TANC1: variants seen among roughly 807,000 people sequenced by gnomAD.
TANC1 encodes protein TANC1.
A neutral mutation model predicts 149.7 loss-of-function variants in TANC1; 77 were observed. That is an observed-to-expected ratio of 0.51 (90% confidence interval 0.43 to 0.62). The LOEUF (loss-of-function observed/expected upper bound fraction) is 0.62, where lower values mean the gene tolerates loss of function less well. Among genes scored for constraint, TANC1 ranks in the 20% least tolerant of loss-of-function variants. TANC1 has a pLI of 0.00. For missense variants in TANC1, 1,985 were observed against 2,321.8 expected, an observed-to-expected ratio of 0.85 and a Z score of 2.98; for synonymous variants, 854 against 925.0, an observed-to-expected ratio of 0.92 and a Z score of 1.39.
rs1444255291 is a variant in TANC1, at chr2:159,187,569, T to TAAA, written c.2742+545_2742+546insAAA. On this transcript the variant is annotated intron_variant, in intron 16 of 26. Transcript: ENST00000263635. ...CATGTCATGATGTTCCACTCAGCTT[T>TAAA]TTAAGGTAGATTTTTCTTCCTGATT... Among the ~76,000 whole-genome samples, 916 of 152,294 alleles carry TAAA rather than the reference T, an allele frequency of 6.0e-3. 11 individuals are homozygous for TAAA. Among genetic ancestry groups the TAAA allele is most frequent in the African/African-American group, 0.021 (859 of 41,558 alleles).
At chr2:159,156,945 G>A (rs1371811571) in intron 7 of TANC1, among the ~76,000 whole-genome samples, 2 of 152,238 alleles carry the variant, frequency 1.3e-5, no homozygotes, top group Admixed American at 1.3e-4. Flanking sequence ...AATGTGGCTG[G>A]GAATGTGCGG....
At chr2:159,150,783 A>G in intron 7 of TANC1, 1 of 492,590 alleles carries the variant, frequency 2.0e-6, no homozygotes, top group Non-Finnish European at 3.6e-6. Context: ...TTGTTAAAAA[A>G]AAAAAAAAAA....
chr2:159,149,619 C>T (rs1024784475), intron 6 of TANC1: 18 of 254,794 alleles, frequency 7.1e-5, no homozygotes, highest in South Asian at 2.1e-4. Context: ...CTTTGGTATA[C>T]GCTTTCCTGT....
At chr2:159,077,152 G>A (rs2043780118) in intron 3 of TANC1, among the ~76,000 whole-genome samples, 1 of 152,018 alleles carries the variant, frequency 6.6e-6, no homozygotes, top group African/African-American at 2.4e-5. Flanking sequence ...TCTAACTTCT[G>A]GATTACGCAG....
intron 1 of TANC1, among the ~76,000 whole-genome samples, chr2:158,990,758 C>CTT (rs1303042110): frequency 2.0e-5 from 3 of 151,952 alleles, no homozygotes; most frequent in Admixed American, 2.0e-4. Flanking sequence ...GCTGGTGGGC[C>CTT]TTGTGTACCT....
intron 8 of TANC1, among the ~76,000 whole-genome samples, chr2:159,167,158 A>G (rs953541371): frequency 6.6e-6 from 1 of 152,232 alleles, no homozygotes; most frequent in Admixed American, 6.5e-5. Flanking sequence ...GAGGCTCTAA[A>G]GCATCTTTTT....
At chr2:158,976,866 A>G (rs569559038) in intron 1 of TANC1, among the ~76,000 whole-genome samples, 14 of 152,232 alleles carry the variant, frequency 9.2e-5, no homozygotes, top group African/African-American at 3.4e-4. Context: ...CGGCGGCAGA[A>G]TGAGACTCCG....
At chr2:159,047,081 C>A (rs1009293923) in intron 2 of TANC1, among the ~76,000 whole-genome samples, 2 of 151,946 alleles carry the variant, frequency 1.3e-5, no homozygotes, top group African/African-American at 4.8e-5. Context: ...CTTCATGGAC[C>A]CCCCAGGTCT....
chr2:159,203,078 AGCACTT>A (rs2058352116), intron 19 of TANC1, among the ~76,000 whole-genome samples: 1 of 152,232 alleles, frequency 6.6e-6, no homozygotes, highest in East Asian at 1.9e-4. Context: ...CTTCTGCTCC[AGCACTT>A]GCCATTCAGG....
chr2:159,038,757 A>G (rs2040397808), intron 2 of TANC1, among the ~76,000 whole-genome samples: 1 of 152,000 alleles, frequency 6.6e-6, no homozygotes, highest in Non-Finnish European at 1.5e-5. Flanking sequence ...GTTTGCCAGT[A>G]TTTCATTGAG....
intron 2 of TANC1, among the ~76,000 whole-genome samples, chr2:159,044,870 A>G (rs567326210): frequency 1.3e-5 from 2 of 152,322 alleles, no homozygotes; most frequent in South Asian, 4.1e-4. Flanking sequence ...GTGACTTGCC[A>G]GCAGGATTTC....
chr2:159,050,424 C>T (rs2041385683), intron 2 of TANC1, among the ~76,000 whole-genome samples: 1 of 152,200 alleles, frequency 6.6e-6, no homozygotes, highest in South Asian at 2.1e-4. Context: ...ATCAGAACAG[C>T]GTTGCAGTTT....
intron 4 of TANC1, among the ~76,000 whole-genome samples, chr2:159,110,206 A>G (rs1242572528): frequency 1.3e-5 from 2 of 152,216 alleles, no homozygotes; most frequent in Non-Finnish European, 2.9e-5. Flanking sequence ...TCTGCAAGAG[A>G]GGTCCCCTGA....
At chr2:159,195,684 T>TA (rs147291586) in intron 17 of TANC1, among the ~76,000 whole-genome samples, 5,137 of 152,330 alleles carry the variant, frequency 0.034, 118 homozygotes, top group African/African-American at 0.065. Flanking sequence ...AATGTGTGGC[T>TA]AAGCCTTTGG....
intron 4 of TANC1, among the ~76,000 whole-genome samples, chr2:159,113,271 A>G (rs1455662207): frequency 6.6e-6 from 1 of 152,154 alleles, no homozygotes; most frequent in African/African-American, 2.4e-5. Flanking sequence ...GCTGCATTAG[A>G]TGATTTTAGT....
intron 3 of TANC1, among the ~76,000 whole-genome samples, chr2:159,096,956 C>T (rs777089470): frequency 9.2e-5 from 14 of 152,120 alleles, no homozygotes; most frequent in Non-Finnish European, 1.9e-4. Flanking sequence ...TGGGGTTTAC[C>T]ATATTTAACA....
chr2:159,203,673 C>T (rs1487192908), intron 19 of TANC1, among the ~76,000 whole-genome samples: 2 of 152,106 alleles, frequency 1.3e-5, no homozygotes, highest in African/African-American at 2.4e-5. Flanking sequence ...CTCAGGTGCT[C>T]CTCCCACCTT....
chr2:159,060,770 G>A lies in TANC1; in HGVS notation c.-15-5126G>A, dbSNP rs150580135. ...CAGTATGGCACTCCAGAAGAGAAAC[G>A]TTTTACTGCTAGTACTCTTCTATGA... On this transcript the variant is annotated intron_variant, in intron 2 of 26. Transcript: ENST00000263635. 2.1e-3 allele frequency among the ~76,000 whole-genome samples: 325 copies of A among 152,256 alleles called. 2 individuals are homozygous for A. Among genetic ancestry groups the A allele is most frequent in the African/African-American group, 7.2e-3 (299 of 41,550 alleles).
At chr2:159,181,984 T>C (rs2056535453) in intron 14 of TANC1, among the ~76,000 whole-genome samples, 2 of 152,114 alleles carry the variant, frequency 1.3e-5, no homozygotes, top group African/African-American at 4.8e-5. Flanking sequence ...GTGGATCACC[T>C]GAGGTCAGGG....
Sources: allele counts gnomAD v4.1 joint callset (sites outside exome capture counted in the v4.1 genomes callset), GRCh38; gene constraint gnomAD v4.1.1; transcripts MANE v1.5; gene names NCBI Gene and HGNC (gene_info 2026-07-23, HGNC 2026-07-21).